Variants in MDGA2 observed in about 807,000 individuals in gnomAD.
The protein encoded by MDGA2 is MAM domain containing glycosylphosphatidylinositol anchor 2.
A neutral mutation model predicts 117.8 loss-of-function variants in MDGA2; 40 were observed. The ratio of observed to expected loss-of-function variants is 0.34; its 90% CI spans 0.26 to 0.44. MDGA2 has a LOEUF of 0.44. MDGA2 is among the 20% of genes least tolerant of loss of function. The pLI is 1.00. For synonymous variants in MDGA2, 452 were observed against 439.0 expected (o/e 1.03, Z -0.37); for missense variants, 1,123 against 1,250.6 (o/e 0.90, Z 1.54).
At chr14:47,471,507 T>A (rs2138616173) in intron 1 of MDGA2, among the ~76,000 whole-genome samples, 1 of 152,234 alleles carries the variant, frequency 6.6e-6, no homozygotes, top group South Asian at 2.1e-4. Flanking sequence ...CAAGGAACAA[T>A]TATATCATGA....
chr14:47,310,595 T>C (rs1269014040), intron 1 of MDGA2, among the ~76,000 whole-genome samples: 1 of 152,068 alleles, frequency 6.6e-6, no homozygotes, highest in Non-Finnish European at 1.5e-5. Context: ...CATCACATAA[T>C]GAATATATAT....
intron 8 of MDGA2, among the ~76,000 whole-genome samples, chr14:46,964,293 A>G (rs1275270319): frequency 2.0e-5 from 3 of 149,154 alleles, no homozygotes; most frequent in African/African-American, 7.7e-5. Flanking sequence ...AATTACTATG[A>G]TTAGATATAA....
At chr14:46,852,827 C>A (rs1478704178) in intron 15 of MDGA2, among the ~76,000 whole-genome samples, 1 of 151,898 alleles carries the variant, frequency 6.6e-6, no homozygotes, top group Non-Finnish European at 1.5e-5. Context: ...AATAATCAAA[C>A]TCTTCTGAAG....
At chr14:46,951,374 A>G (rs1595064436) in intron 9 of MDGA2, among the ~76,000 whole-genome samples, 5 of 152,066 alleles carry the variant, frequency 3.3e-5, no homozygotes, top group Admixed American at 3.3e-4. Context: ...TGTTTTTCAT[A>G]TATTTGTGTA....
chr14:47,149,094 A>G (rs1009243992), intron 3 of MDGA2, among the ~76,000 whole-genome samples: 2 of 152,060 alleles, frequency 1.3e-5, no homozygotes, highest in African/African-American at 4.8e-5. Context: ...GGTTCGAGAC[A>G]AGCCTGGCCA....
At chr14:47,459,363 T>C (rs1228805438) in intron 1 of MDGA2, among the ~76,000 whole-genome samples, 1 of 152,024 alleles carries the variant, frequency 6.6e-6, no homozygotes, top group Non-Finnish European at 1.5e-5. Context: ...TTTTAAAGCA[T>C]GAAGAATTCC....
At chr14:47,079,044 A>AAG (rs1434925178) in intron 6 of MDGA2, among the ~76,000 whole-genome samples, 1 of 152,120 alleles carries the variant, frequency 6.6e-6, no homozygotes, top group Non-Finnish European at 1.5e-5. Context: ...AAAAAAAAAA[A>AAG]AGGAAACAAG....
chr14:46,990,272 A>T (rs1887035725), intron 8 of MDGA2, among the ~76,000 whole-genome samples: 1 of 152,076 alleles, frequency 6.6e-6, no homozygotes, highest in South Asian at 2.1e-4. Flanking sequence ...GTCATAAGAG[A>T]CTAGTTTACT....
chr14:47,138,841 TGA>T (rs1372299834), intron 4 of MDGA2, among the ~76,000 whole-genome samples: 1 of 152,054 alleles, frequency 6.6e-6, no homozygotes, highest in Non-Finnish European at 1.5e-5. Flanking sequence ...TAGTAGTAAG[TGA>T]GTGGAAGGAC....
chr14:47,432,549 G>C (rs1892820099), intron 1 of MDGA2, among the ~76,000 whole-genome samples: 1 of 151,918 alleles, frequency 6.6e-6, no homozygotes, highest in Admixed American at 6.6e-5. Context: ...AAACAGGATA[G>C]GATCTCAGTC....
chr14:47,357,176 C>A (rs1365994292), intron 1 of MDGA2, among the ~76,000 whole-genome samples: 6 of 152,174 alleles, frequency 3.9e-5, no homozygotes, highest in Admixed American at 3.9e-4. Flanking sequence ...GGACAGTGCA[C>A]TGAGAGCCTA....
chr14:47,055,382 T>A (rs549337114), intron 7 of MDGA2, among the ~76,000 whole-genome samples: 34 of 152,180 alleles, frequency 2.2e-4, no homozygotes, highest in African/African-American at 7.5e-4. Flanking sequence ...ATGAGATTCA[T>A]TTCCTCCTAA....
At chr14:47,448,462 C>CA (rs1170372256) in intron 1 of MDGA2, among the ~76,000 whole-genome samples, 2 of 152,022 alleles carry the variant, frequency 1.3e-5, no homozygotes, top group Non-Finnish European at 2.9e-5. Context: ...TCAATCCCCC[C>CA]ACTCCAATCA....
intron 3 of MDGA2, among the ~76,000 whole-genome samples, chr14:47,185,268 AT>A (rs1219520616): frequency 6.6e-6 from 1 of 151,402 alleles, no homozygotes; most frequent in African/African-American, 2.4e-5. Flanking sequence ...AAAGTGTGTC[AT>A]TACTTTATAA....
chr14:47,319,606 G>A (rs1371675468), intron 1 of MDGA2, among the ~76,000 whole-genome samples: 1 of 152,030 alleles, frequency 6.6e-6, no homozygotes, highest in Non-Finnish European at 1.5e-5. Flanking sequence ...AATTATCAAA[G>A]CTTTATTTTC....
rs564740880 is a variant in MDGA2, at chr14:47,121,582, C to A, written c.925+10132G>T. The stretch of plus-strand genomic sequence containing the variant: ...ATGAGCTAGATGATATTTTAGAAAG[C>A]CTCTTTTCTTTCTTCACAAAGGATA... On this transcript the variant is annotated intron_variant, in intron 5 of 16. Transcript: ENST00000399232. Among the ~76,000 whole-genome samples the A allele has an allele frequency of 2.6e-5, 4 of 152,062 alleles. No individual in the cohort carries two copies. In the South Asian group the frequency reaches 8.3e-4, roughly 32 times the overall value.
Position 47,252,096 on chromosome 14 carries a change from T to C in MDGA2, c.421-33901A>G, listed in dbSNP as rs573076173. Among the ~76,000 whole-genome samples, 42 of 152,226 alleles carry C rather than the reference T, an allele frequency of 2.8e-4. 2 individuals carry two copies. The South Asian group carries it at 8.3e-3, about 30-fold the overall frequency. Reference sequence around the variant, plus strand: ...GGACAACTTCACTTTCAATCCAGATTTGTAAGATGGTAAAATAGTGGTCAC... The same window carrying C: ...GGACAACTTCACTTTCAATCCAGATCTGTAAGATGGTAAAATAGTGGTCAC... On this transcript the variant is annotated intron_variant, in intron 2 of 16. Transcript: ENST00000399232.
At chr14:47,474,180 C>T (rs967894374) in intron 1 of MDGA2, among the ~76,000 whole-genome samples, 31 of 152,096 alleles carry the variant, frequency 2.0e-4, no homozygotes, top group African/African-American at 7.0e-4. Flanking sequence ...CATTCCTATA[C>T]ACCAATAAAA....
At chr14:47,085,235 T>C (rs559784850) in intron 6 of MDGA2, among the ~76,000 whole-genome samples, 27 of 152,242 alleles carry the variant, frequency 1.8e-4, no homozygotes, top group Admixed American at 1.0e-3. Flanking sequence ...ATCAAATCAC[T>C]GCTTTAAAAA....
Sources: allele counts gnomAD v4.1 joint callset (sites outside exome capture counted in the v4.1 genomes callset), GRCh38; gene constraint gnomAD v4.1.1; transcripts MANE v1.5; gene names NCBI Gene and HGNC (gene_info 2026-07-23, HGNC 2026-07-21).